SVBP: variants seen among roughly 807,000 people sequenced by gnomAD.
The protein encoded by SVBP is small vasohibin binding protein, also known as small vasohibin-binding protein.
In SVBP, 9 loss-of-function variants were observed where a neutral mutation model predicts 9.2. That is an observed-to-expected ratio of 0.98 (90% CI 0.59 to 1.71). SVBP has a LOEUF of 1.71. Among genes scored for constraint, SVBP ranks in the 40% most tolerant of loss-of-function variants. SVBP has a pLI of 0.00. For missense variants in SVBP, 63 were observed against 73.2 expected (o/e 0.86, Z 0.51); for synonymous variants, 27 against 23.9 (o/e 1.13, Z -0.37).
chr1:42,808,731 G>A (rs896908322), intron 2 of SVBP, among the ~76,000 whole-genome samples: 1 of 151,654 alleles, frequency 6.6e-6, no homozygotes, highest in African/African-American at 2.4e-5. Flanking sequence ...GAGTCTTGCT[G>A]TGTTGTCCAG....
chr1:42,817,373 C>A lies in SVBP; in HGVS notation c.-220G>T. The A allele has an allele frequency of 1.0e-5, 6 of 590,366 alleles. No homozygotes were observed. The highest frequency in any genetic ancestry group is 1.3e-5 in the Non-Finnish European group (6 of 448,798). The allele number at this position is 590,366 out of a possible 1,614,324, so 36.6% of individuals were successfully genotyped here. On this transcript the variant is annotated 5_prime_UTR_variant, in exon 1 of 3. Transcript: ENST00000372521. The stretch of plus-strand genomic sequence containing the variant: ...GGCCGAGCGCCAGGAGGCTTCCGCC[C>A]GCAGGAGCGGCCGCGCGTGCGCAGA...
Position 42,809,999 on chromosome 1 carries a change from G to A in SVBP, c.115-2499C>T, listed in dbSNP as rs1423752193. 2.6e-5 allele frequency among the ~76,000 whole-genome samples: 4 copies of A among 152,048 alleles called. No individual in the cohort carries two copies. The South Asian group carries it at 6.2e-4, about 24-fold the overall frequency. On this transcript the variant is annotated intron_variant, in intron 2 of 2. Transcript: ENST00000372521. Reference sequence around the variant, plus strand: ...TGGGAAGGGTGAGGTACATGACCAGGAAAGGAGTACACAAAGCTTCCCAGT... The same window carrying A: ...TGGGAAGGGTGAGGTACATGACCAGAAAAGGAGTACACAAAGCTTCCCAGT...
Position 42,807,257 on chromosome 1 carries a change from C to T in SVBP, c.*157G>A, listed in dbSNP as rs1172021319. On this transcript the variant is annotated 3_prime_UTR_variant, in exon 3 of 3. Transcript: ENST00000372521. ...TGTGGCCAATTCAGATGGGAGGAAC[C>T]AGTGAAGTTAGAAGTTACACACAGG... The T allele has an allele frequency of 2.2e-6, 1 of 465,028 alleles. No individual in the cohort carries two copies. The highest frequency in any genetic ancestry group is 3.9e-6 in the Non-Finnish European group (1 of 258,926). The allele number at this position is 465,028 out of a possible 1,614,324, so 28.8% of individuals were successfully genotyped here.
At chr1:42,807,625 T>C (rs1212930737) in intron 2 of SVBP, 125 bp from the exon 3 acceptor site, 5 of 686,754 alleles carry the variant, frequency 7.3e-6, no homozygotes, top group Admixed American at 2.3e-5. Flanking sequence ...GCAGGGACAG[T>C]GCTCTGGGAA....
intron 2 of SVBP, among the ~76,000 whole-genome samples, chr1:42,812,197 CATT>C (rs1654097615): frequency 6.6e-6 from 1 of 152,168 alleles, no homozygotes. Context: ...TACATTTAAT[CATT>C]AGTAGTCTCT....
intron 2 of SVBP, among the ~76,000 whole-genome samples, chr1:42,811,262 TAAC>T (rs1654078722): frequency 6.6e-6 from 1 of 152,346 alleles, no homozygotes; most frequent in South Asian, 2.1e-4. Context: ...TGCCCCTCTT[TAAC>T]TACAGGACTC....
chr1:42,815,791 T>A (rs1654189214), intron 2 of SVBP, among the ~76,000 whole-genome samples: 1 of 152,056 alleles, frequency 6.6e-6, no homozygotes, highest in Non-Finnish European at 1.5e-5. Flanking sequence ...TATATTTGAA[T>A]GTAAAAGTAT....
chr1:42,811,168 A>C (rs1285354510), intron 2 of SVBP, among the ~76,000 whole-genome samples: 2 of 149,978 alleles, frequency 1.3e-5, no homozygotes, highest in Non-Finnish European at 2.9e-5. Flanking sequence ...AACCAACCAA[A>C]CAGAAAAAAA....
At chr1:42,811,094 G>A (rs528963416) in intron 2 of SVBP, among the ~76,000 whole-genome samples, 79 of 152,170 alleles carry the variant, frequency 5.2e-4, no homozygotes, top group African/African-American at 1.8e-3. Flanking sequence ...AGTCGAGATC[G>A]TGCCACTGCA....
intron 1 of SVBP, 116 bp downstream of exon 1, chr1:42,817,046 GCCCGCCCCCCACCGCCCGGCCCCCCGAC>G: frequency 4.5e-6 from 1 of 220,876 alleles, no homozygotes; most frequent in Non-Finnish European, 7.7e-6. Context: ...AGCCAGCCGG[GCCCGCCCCCCACCGCCCGGCCCCCCGAC>G]CCCGCCCCGG....
chr1:42,816,403 G>T, intron 2 of SVBP, 28 bp downstream of exon 2: 2 of 1,438,102 alleles, frequency 1.4e-6, no homozygotes, highest in Non-Finnish European at 2.0e-6. Flanking sequence ...CAGACTACAG[G>T]CATACAGAGC....
chr1:42,813,443 A>G (rs1654122365), intron 2 of SVBP: 1 of 568,714 alleles, frequency 1.8e-6, no homozygotes, highest in Admixed American at 1.9e-5. Context: ...TCAAAGGCCA[A>G]AACTGGATTC....
intron 2 of SVBP, among the ~76,000 whole-genome samples, chr1:42,814,959 G>A (rs1654166338): frequency 6.6e-6 from 1 of 152,046 alleles, no homozygotes; most frequent in Non-Finnish European, 1.5e-5. Flanking sequence ...CAAAGACTTG[G>A]AACCAACCCA....
At chr1:42,808,100 C>T (rs926918344) in intron 2 of SVBP, among the ~76,000 whole-genome samples, 1 of 130,946 alleles carries the variant, frequency 7.6e-6, no homozygotes, top group Non-Finnish European at 1.6e-5. Context: ...GGAGAGCCAG[C>T]AAAGATAAGT....
chr1:42,808,156 TATATATATATATATATATATATAC>T (rs1654003946), intron 2 of SVBP, among the ~76,000 whole-genome samples: 7 of 69,674 alleles, frequency 1.0e-4, no homozygotes, highest in Admixed American at 3.0e-4. Flanking sequence ...TGTGTATATA[TATATATATATATATATATATATAC>T]ATACTATGTA....
chr1:42,812,189 C>T (rs769613989), intron 2 of SVBP, among the ~76,000 whole-genome samples: 1 of 152,176 alleles, frequency 6.6e-6, no homozygotes, highest in Non-Finnish European at 1.5e-5. Context: ...TCCTCTCTTA[C>T]ATTTAATCAT....
chr1:42,814,457 C>T lies in SVBP; in HGVS notation c.114+1974G>A, dbSNP rs1318947623. Among the ~76,000 whole-genome samples, 5 of 151,804 alleles carry T rather than the reference C, an allele frequency of 3.3e-5. 1 individual carries two copies. The highest frequency in any genetic ancestry group is 7.4e-5 in the Non-Finnish European group (5 of 67,936). On this transcript the variant is annotated intron_variant, in intron 2 of 2. Coordinates refer to ENST00000372521, the MANE Select transcript of SVBP (RefSeq NM_199342.4). ...GTGCAGTGGCTCACACCTATAATCC[C>T]AGCACTTTGGGAGGCCAAGGCAGTG...
intron 2 of SVBP, among the ~76,000 whole-genome samples, chr1:42,815,061 C>T (rs1654167942): frequency 6.6e-6 from 1 of 152,044 alleles, no homozygotes; most frequent in African/African-American, 2.4e-5. Context: ...AGTTCATGTC[C>T]TTTGTAGGGA....
At chr1:42,810,125 TACACACACACACACAC>T (rs60221264) in intron 2 of SVBP, among the ~76,000 whole-genome samples, 1 of 140,928 alleles carries the variant, frequency 7.1e-6, no homozygotes, top group South Asian at 2.4e-4. Flanking sequence ...CATACATACA[TACACACACACACACAC>T]ACACACACAC....
Sources: allele counts gnomAD v4.1 joint callset (sites outside exome capture counted in the v4.1 genomes callset), GRCh38; gene constraint gnomAD v4.1.1; transcripts MANE v1.5; gene names NCBI Gene and HGNC (gene_info 2026-07-23, HGNC 2026-07-21).